TTC19: variants seen among roughly 807,000 people sequenced by gnomAD.
TTC19 encodes the protein tetratricopeptide repeat domain 19.
TTC19 carries 38 observed loss-of-function variants against 49.5 expected under a neutral mutation model. That is an observed-to-expected ratio of 0.77 (90% CI 0.59 to 1.01). The LOEUF (loss-of-function observed/expected upper bound fraction) is 1.01, where lower values mean the gene tolerates loss of function less well. Among genes scored for constraint, TTC19 ranks in the 50% least tolerant of loss-of-function variants. TTC19 has a pLI of 0.00. For synonymous variants in TTC19, 204 were observed against 185.2 expected, an observed-to-expected ratio of 1.10 and a Z score of -0.83; for missense variants, 475 against 477.7, an observed-to-expected ratio of 0.99 and a Z score of 0.05.
chr17:16,037,239 C>A (rs942737410), intron 2 of TTC19, among the ~76,000 whole-genome samples: 5 of 152,032 alleles, frequency 3.3e-5, no homozygotes, highest in African/African-American at 9.7e-5. Flanking sequence ...CAAACAATTA[C>A]AATAGTAATA....
Position 16,001,920 on chromosome 17 carries a change from C to T in TTC19, c.318C>T (p.Ser106=). The change falls in exon 3 of 10, where the codon AGC becomes AGT. Residue 106 remains serine, a synonymous_variant. Coordinates refer to ENST00000261647, the MANE Select transcript of TTC19 (RefSeq NM_017775.4). Reference sequence around the variant, plus strand: ...ATTTTGTCTTCCCTTTTCAGTTGAGCATTATGAAAGATGAGCCAGAAGAGG... The same window carrying T: ...ATTTTGTCTTCCCTTTTCAGTTGAGTATTATGAAAGATGAGCCAGAAGAGG... ...IIQLLKRAKL[S]IMKDEPEEAE... is the part of the protein sequence containing the mutation. 3 of 1,609,544 alleles carry T rather than the reference C, an allele frequency of 1.9e-6. No individual in the cohort carries two copies. The highest frequency in any genetic ancestry group is 2.5e-6 in the Non-Finnish European group (3 of 1,176,608).
intron 9 of TTC19, chr17:16,027,043 A>G: frequency 2.0e-6 from 1 of 509,166 alleles, no homozygotes; most frequent in Non-Finnish European, 3.6e-6. Flanking sequence ...TATGACAGGA[A>G]GTATCATTTT....
rs758193274 is a variant in TTC19 at position 16,002,820 on chromosome 17, C to G, written c.451C>G (p.Gln151Glu). 2 of 1,613,958 alleles carry G rather than the reference C, an allele frequency of 1.2e-6. No individual in the cohort carries two copies. The highest frequency in any genetic ancestry group is 3.3e-5 in the Admixed American group (2 of 60,020). ...LMANLAFIRG[Q>E]LENAEQLFKA... ...GGCCAACTTAGCATTTATACGGGGT[C>G]AGCTTGAAAATGTAAGTAAATTGCT... Residue 151 changes from glutamine to glutamate, a missense_variant, in exon 4 of 10, where the codon CAG becomes GAG. By Grantham distance (29) the Gln-to-Glu change is conservative (BLOSUM62 2). Transcript: ENST00000261647.
chr17:16,000,336 G>C, intron 2 of TTC19, 91 bp downstream of exon 2: 3 of 1,549,338 alleles, frequency 1.9e-6, no homozygotes, highest in Non-Finnish European at 2.6e-6. Flanking sequence ...TCTCCGCCTC[G>C]CCGAAGAGTG....
chr17:16,004,503 T>C (rs980088483), intron 6 of TTC19, among the ~76,000 whole-genome samples: 1 of 152,188 alleles, frequency 6.6e-6, no homozygotes, highest in African/African-American at 2.4e-5. Context: ...CTAACTAAGT[T>C]TTCTGTTGCT....
At chr17:16,033,273 T>A (rs572309601), downstream of TTC19, among the ~76,000 whole-genome samples, 111 of 145,354 alleles carry the variant, frequency 7.6e-4, no homozygotes, top group African/African-American at 2.9e-3. Context: ...AGGCGGAGGT[T>A]GCTGTGAGCC....
rs781522853 is a variant in TTC19 at position 16,004,208 on chromosome 17, A to G, written c.527A>G (p.Asn176Ser). 6.2e-6 allele frequency: 10 copies of G among 1,614,080 alleles called. No individual in the cohort carries two copies. The highest frequency in any genetic ancestry group is 2.2e-5 in the East Asian group (1 of 44,906). Residue 176 changes from asparagine to serine, a missense_variant, in exon 6 of 10, where the codon AAT becomes AGT. Transcript: ENST00000261647. ...LLGGGMKQED[N>S]AIIEISLKLA... ...ATTCTCTTTCTCTCACAGGAGGACA[A>G]TGCAATAATTGAAATTTCCCTAAAG... is the stretch of plus-strand genomic sequence containing the variant.
intron 9 of TTC19, chr17:16,027,081 T>C: frequency 1.9e-6 from 1 of 518,114 alleles, no homozygotes; most frequent in South Asian, 2.1e-5. Flanking sequence ...GTCAGCACAC[T>C]ATACCGATCA....
intron 2 of TTC19, among the ~76,000 whole-genome samples, chr17:16,037,966 T>C (rs1301801863): frequency 6.6e-6 from 1 of 152,200 alleles, no homozygotes; most frequent in Non-Finnish European, 1.5e-5. Flanking sequence ...CAATTGTAAT[T>C]GACTAAGTCA....
chr17:16,028,545 T>C lies in TTC19; in HGVS notation c.*1023T>C. 1 of 454,068 alleles carries C rather than the reference T, an allele frequency of 2.2e-6. No individual in the cohort carries two copies. Among genetic ancestry groups the C allele is most frequent in the South Asian group, 1.6e-5 (1 of 64,476 alleles). 28.1% of individuals were successfully genotyped at this position (454,068 alleles called of 1,614,324 possible). A position where few individuals can be genotyped will look rare whatever the true frequency, so the allele number is the denominator to read the frequency against. ...ATAGACTGCTGTGCTGAAAGAGCTTTATCACACTGTCTCAAAGTATGTAAA... is the reference window on the plus strand; with the variant it reads ...ATAGACTGCTGTGCTGAAAGAGCTTCATCACACTGTCTCAAAGTATGTAAA... On this transcript the variant is annotated 3_prime_UTR_variant, in exon 10 of 10. Transcript: ENST00000261647.
At position 16,004,275 on chromosome 17, in the gene TTC19, GC is replaced by G. The variant is rs1157204292; in HGVS notation, c.581+15del. 1 of 1,613,240 alleles carries G rather than the reference GC, an allele frequency of 6.2e-7. No homozygotes were observed. Among genetic ancestry groups the G allele is most frequent in the African/African-American group, 1.3e-5 (1 of 74,908 alleles). On this transcript the variant is annotated intron_variant, in intron 6 of 9. Coordinates refer to ENST00000261647, the MANE Select transcript of TTC19 (RefSeq NM_017775.4). The stretch of plus-strand genomic sequence containing the variant: ...CTGCGCAGAACAGGTAAGTACAGCA[GC>G]CAGGGAGTAGGACTGTGGGCAGGAA...
chr17:16,012,351 G>A (rs1315845363), intron 7 of TTC19, among the ~76,000 whole-genome samples: 3 of 151,952 alleles, frequency 2.0e-5, no homozygotes, highest in African/African-American at 7.2e-5. Context: ...ATGGTGTTGC[G>A]CACTTGTAGT....
chr17:16,020,667 C>T lies in TTC19; in HGVS notation c.677-4350C>T, dbSNP rs573821505. 3.0e-3 allele frequency among the ~76,000 whole-genome samples: 463 copies of T among 151,944 alleles called. 3 individuals are homozygous for T. The highest frequency in any genetic ancestry group is 0.016 in the South Asian group (77 of 4,808). On this transcript the variant is annotated intron_variant, in intron 7 of 9. Transcript: ENST00000261647. ...ATTTAATTCAGTACTTTATTTCCCC[C>T]ACTACCCCCCACCCCCCAAGAGACA...
At chr17:16,021,636 A>G (rs1971388292) in intron 7 of TTC19, among the ~76,000 whole-genome samples, 1 of 152,042 alleles carries the variant, frequency 6.6e-6, no homozygotes, top group Non-Finnish European at 1.5e-5. Context: ...TTTGTGAGGG[A>G]AAAAAATTAC....
At chr17:16,029,427 G>A (rs1971759392), downstream of TTC19, 7 of 272,638 alleles carry the variant, frequency 2.6e-5, no homozygotes, top group African/African-American at 6.8e-5. Context: ...GAGTTTTCTG[G>A]GCATAAATAT....
chr17:16,003,670 C>G (rs1306799961), intron 4 of TTC19, among the ~76,000 whole-genome samples, 161 bp from the exon 5 acceptor site: 1 of 151,856 alleles, frequency 6.6e-6, no homozygotes, highest in East Asian at 1.9e-4. Context: ...GATCTGTTTT[C>G]GCTTCAAAAG....
At chr17:16,003,538 A>G (rs111575710) in intron 4 of TTC19, among the ~76,000 whole-genome samples, 20 of 152,272 alleles carry the variant, frequency 1.3e-4, no homozygotes, top group African/African-American at 4.8e-4. Context: ...AATGACTATT[A>G]GGAGACAGTT....
chr17:16,021,280 C>T (rs971410291), intron 7 of TTC19, among the ~76,000 whole-genome samples: 3 of 152,062 alleles, frequency 2.0e-5, no homozygotes, highest in Admixed American at 6.5e-5. Flanking sequence ...CCCAGCTACT[C>T]GGGAGGCTGA....
chr17:16,008,085 T>A (rs1408234761), intron 7 of TTC19, among the ~76,000 whole-genome samples: 1 of 152,198 alleles, frequency 6.6e-6, no homozygotes, highest in Admixed American at 6.5e-5. Context: ...CCCTACCTCT[T>A]AATGTTGGCA....
Sources: allele counts gnomAD v4.1 joint callset (sites outside exome capture counted in the v4.1 genomes callset), GRCh38; gene constraint gnomAD v4.1.1; transcripts MANE v1.5; gene names NCBI Gene and HGNC (gene_info 2026-07-23, HGNC 2026-07-21).